PLXNA4: variants seen among roughly 807,000 people sequenced by gnomAD.
PLXNA4 encodes the protein plexin-A4.
A neutral mutation model predicts 191.8 loss-of-function variants in PLXNA4; 44 were observed. The observed-to-expected ratio is 0.23, with a 90% CI of 0.18 to 0.29. The LOEUF (loss-of-function observed/expected upper bound fraction) is 0.29, where lower values mean the gene tolerates loss of function less well. Among genes scored for constraint, PLXNA4 ranks in the 10% least tolerant of loss-of-function variants. The pLI, the probability that PLXNA4 is intolerant of heterozygous loss-of-function variation, is 1.00. For missense variants in PLXNA4, 1,800 were observed against 2,488.8 expected, an observed-to-expected ratio of 0.72 and a Z score of 5.89; for synonymous variants, 1,082 against 1,009.5, an observed-to-expected ratio of 1.07 and a Z score of -1.36.
At chr7:132,380,153 G>A (rs1043035220) in intron 3 of PLXNA4, among the ~76,000 whole-genome samples, 2 of 152,128 alleles carry the variant, frequency 1.3e-5, no homozygotes, top group African/African-American at 4.8e-5. Context: ...TGGGGCTTCC[G>A]GGAACTACAG....
At chr7:132,438,940 A>G (rs1302385226) in intron 3 of PLXNA4, among the ~76,000 whole-genome samples, 4 of 152,200 alleles carry the variant, frequency 2.6e-5, no homozygotes, top group African/African-American at 4.8e-5. Context: ...TAATTCTTCA[A>G]CCCACATTGA....
At chr7:132,635,465 T>C (rs1363304565) in intron 2 of PLXNA4, among the ~76,000 whole-genome samples, 1 of 151,950 alleles carries the variant, frequency 6.6e-6, no homozygotes, top group Admixed American at 6.6e-5. Context: ...GCATGAAACA[T>C]TCTAAGACAA....
chr7:132,377,003 C>T (rs75255442), intron 3 of PLXNA4, among the ~76,000 whole-genome samples: 6,174 of 152,240 alleles, frequency 0.041, 156 homozygotes, highest in South Asian at 0.047. Flanking sequence ...TGAATGCCAG[C>T]AAAAACTCCT....
chr7:132,279,030 A>G (rs1800381219), intron 4 of PLXNA4, among the ~76,000 whole-genome samples: 1 of 152,166 alleles, frequency 6.6e-6, no homozygotes. Context: ...ACAATGACTG[A>G]ATAGTAAGCT....
intron 14 of PLXNA4, among the ~76,000 whole-genome samples, chr7:132,192,371 G>T (rs74889895): frequency 1.3e-5 from 2 of 152,014 alleles, no homozygotes; most frequent in Non-Finnish European, 2.9e-5. Flanking sequence ...TGTGCAAGGT[G>T]ATCAATGGCT....
At chr7:132,156,131 GACAT>G (rs1554374037) in intron 25 of PLXNA4, among the ~76,000 whole-genome samples, 5 of 74,566 alleles carry the variant, frequency 6.7e-5, no homozygotes, top group South Asian at 4.7e-4. Flanking sequence ...TCTGTTTCTG[GACAT>G]ACACACACAC....
At chr7:132,272,150 T>C (rs1029278491) in intron 4 of PLXNA4, among the ~76,000 whole-genome samples, 2 of 152,186 alleles carry the variant, frequency 1.3e-5, no homozygotes, top group African/African-American at 4.8e-5. Context: ...GGCCAAGAAC[T>C]CCAGGAATCA....
chr7:132,248,819 G>A (rs1358900888), intron 4 of PLXNA4, among the ~76,000 whole-genome samples: 1 of 151,910 alleles, frequency 6.6e-6, no homozygotes, highest in African/African-American at 2.4e-5. Flanking sequence ...CAGACCCCTT[G>A]TACTGACCAT....
At chr7:132,265,440 T>C (rs988311914) in intron 4 of PLXNA4, among the ~76,000 whole-genome samples, 2 of 152,250 alleles carry the variant, frequency 1.3e-5, no homozygotes, top group African/African-American at 4.8e-5. Flanking sequence ...TATTCATTCA[T>C]TCAATTGAAT....
chr7:132,636,387 A>ACT (rs1444860970), intron 2 of PLXNA4, among the ~76,000 whole-genome samples: 12 of 152,138 alleles, frequency 7.9e-5, no homozygotes, highest in African/African-American at 2.9e-4. Flanking sequence ...GGGTTGGGAG[A>ACT]TCCCCTGTAG....
At chr7:132,212,064 A>C (rs1235446638) in intron 9 of PLXNA4, among the ~76,000 whole-genome samples, 3 of 152,158 alleles carry the variant, frequency 2.0e-5, no homozygotes, top group Admixed American at 2.0e-4. Context: ...AGCCTTCCAT[A>C]ACACAAGCAT....
At chr7:132,254,437 G>C (rs1277070712) in intron 4 of PLXNA4, among the ~76,000 whole-genome samples, 1 of 152,220 alleles carries the variant, frequency 6.6e-6, no homozygotes, top group Non-Finnish European at 1.5e-5. Flanking sequence ...GAGAGCACAG[G>C]CTTCTGAAGT....
intron 3 of PLXNA4, among the ~76,000 whole-genome samples, chr7:132,423,873 C>T (rs957908527): frequency 4.6e-5 from 7 of 152,220 alleles, no homozygotes; most frequent in Non-Finnish European, 1.0e-4. Context: ...CTACAGCCAC[C>T]ACCATCGGGG....
At chr7:132,368,515 G>A (rs1195879250) in intron 3 of PLXNA4, among the ~76,000 whole-genome samples, 2 of 152,182 alleles carry the variant, frequency 1.3e-5, no homozygotes, top group Non-Finnish European at 2.9e-5. Flanking sequence ...CAGAGGAGGA[G>A]GTGGGCTGTG....
At chr7:132,624,086 G>A (rs1284891321) in intron 2 of PLXNA4, among the ~76,000 whole-genome samples, 1 of 152,170 alleles carries the variant, frequency 6.6e-6, no homozygotes, top group Non-Finnish European at 1.5e-5. Context: ...CTACTATGAT[G>A]TAGTCAAGAT....
At position 132,451,117 on chromosome 7, in the gene PLXNA4, G is replaced by A. The variant is rs369413845; in HGVS notation, c.1371+38175C>T. Among the ~76,000 whole-genome samples, 38 of 152,318 alleles carry A rather than the reference G, an allele frequency of 2.5e-4. No individual in the cohort carries two copies. In the South Asian group the frequency reaches 4.4e-3, roughly 17 times the overall value. On this transcript the variant is annotated intron_variant, in intron 3 of 31. Coordinates refer to ENST00000321063, the MANE Select transcript of PLXNA4 (RefSeq NM_020911.2). Reference sequence around the variant, plus strand: ...TGACTGCTATGCCTTATGGAAGACCGTGTCTAAGGAAGGAGCGTGAGGCCA... The same window carrying A: ...TGACTGCTATGCCTTATGGAAGACCATGTCTAAGGAAGGAGCGTGAGGCCA...
chr7:132,168,436 T>C lies in PLXNA4; in HGVS notation c.4154A>G (p.Asn1385Ser), dbSNP rs1318528104. The change falls in exon 22 of 32, where the codon AAC (asparagine) becomes AGC (serine). Residue 1385 changes from asparagine (N) to serine (S), a missense_variant. Physicochemically the swap from Asn to Ser is conservative, Grantham distance 46. Coordinates refer to ENST00000321063, the MANE Select transcript of PLXNA4 (RefSeq NM_020911.2). ...CACGGTCATGATGAGTGAGGCCACG[T>C]TGCCACGGTCGCGCATGGAGAAGCT... ...QRSFSMRDRG[N>S]VASLIMTVLQ... 1.9e-6 allele frequency: 3 copies of C among 1,614,076 alleles called. No individual in the cohort carries two copies. Among genetic ancestry groups the C allele is most frequent in the South Asian group, 2.2e-5 (2 of 91,066 alleles).
chr7:132,506,633 GC>G (rs1254747113), intron 2 of PLXNA4, among the ~76,000 whole-genome samples: 1 of 152,214 alleles, frequency 6.6e-6, no homozygotes, highest in African/African-American at 2.4e-5. Flanking sequence ...GAAGGGGGAT[GC>G]TTTTCATGGT....
intron 4 of PLXNA4, among the ~76,000 whole-genome samples, chr7:132,272,302 T>G (rs2116334701): frequency 6.6e-6 from 1 of 152,362 alleles, no homozygotes; most frequent in Middle Eastern, 3.4e-3. Context: ...GATGGAGCTA[T>G]TCAAATCATA....
Sources: allele counts gnomAD v4.1 joint callset (sites outside exome capture counted in the v4.1 genomes callset), GRCh38; gene constraint gnomAD v4.1.1; transcripts MANE v1.5; gene names NCBI Gene and HGNC (gene_info 2026-07-23, HGNC 2026-07-21).